CFAP45: variants seen among roughly 807,000 people sequenced by gnomAD.
CFAP45 encodes the protein cilia and flagella associated protein 45.
A neutral mutation model predicts 75.6 loss-of-function variants in CFAP45; 43 were observed. The ratio of observed to expected loss-of-function variants is 0.57; its 90% confidence interval spans 0.45 to 0.73. The LOEUF (loss-of-function observed/expected upper bound fraction) is 0.73. CFAP45 is among the 30% of genes least tolerant of loss of function. The probability of loss-of-function intolerance (pLI) is 0.00; values close to 1 mark genes in which losing one functional copy is unlikely to be tolerated. For synonymous variants in CFAP45, 223 were observed against 244.6 expected (o/e 0.91, Z 0.82); for missense variants, 689 against 701.5 (o/e 0.98, Z 0.20).
Position 159,890,589 on chromosome 1 carries a change from C to T in CFAP45, c.163G>A (p.Val55Met). The T allele has an allele frequency of 6.2e-7, 1 of 1,614,006 alleles. No homozygotes were observed. The stretch of plus-strand genomic sequence containing the variant: ...AGGGTATGCTTATCTCGGAGCAGCA[C>T]AATGGGGCTGTCGCTCTGGCCCTGG... ...PAQGQSDSPI[V>M]LLRDKHTLQK... Residue 55 changes from valine to methionine, a missense_variant, in exon 3 of 12, where the codon GTG (valine) becomes ATG (methionine). By Grantham distance (21) the Val-to-Met change is conservative. Coordinates refer to ENST00000368099, the MANE Select transcript of CFAP45 (RefSeq NM_012337.3).
chr1:159,879,681 T>A (rs1029402231), intron 8 of CFAP45, among the ~76,000 whole-genome samples: 1 of 152,212 alleles, frequency 6.6e-6, no homozygotes, highest in Admixed American at 6.5e-5. Context: ...AGCTTCATTT[T>A]CTGTGGTTTG....
intron 10 of CFAP45, chr1:159,873,402 C>G (rs556162075): frequency 1.7e-6 from 1 of 576,710 alleles, no homozygotes; most frequent in Non-Finnish European, 3.1e-6. Flanking sequence ...GACTGTATGT[C>G]ATGGGCATGC....
Position 159,872,433 on chromosome 1 carries a change from A to C in CFAP45, c.*52T>G, listed in dbSNP as rs1649300648. The C allele has an allele frequency of 7.5e-7, 1 of 1,327,108 alleles. No individual in the cohort carries two copies. The highest frequency in any genetic ancestry group is 1.4e-5 in the African/African-American group (1 of 69,326). The allele number at this position is 1,327,108 out of a possible 1,614,324, so 82.2% of individuals were successfully genotyped here. Reference sequence around the variant, plus strand: ...TAGCAGCAATTATGGATGCCCAGAGACTGGGCAGAATCTGTCCCCCGAAGG... The same window carrying C: ...TAGCAGCAATTATGGATGCCCAGAGCCTGGGCAGAATCTGTCCCCCGAAGG... On this transcript the variant is annotated 3_prime_UTR_variant, in exon 12 of 12. Transcript: ENST00000368099.
intron 10 of CFAP45, among the ~76,000 whole-genome samples, chr1:159,875,261 G>A (rs1265212211): frequency 6.6e-6 from 1 of 152,220 alleles, no homozygotes; most frequent in East Asian, 1.9e-4. Context: ...AGATGTCCAA[G>A]GGCATAGAGG....
intron 10 of CFAP45, 161 bp from the exon 11 acceptor site, chr1:159,873,329 A>G: frequency 3.2e-6 from 2 of 630,102 alleles, no homozygotes; most frequent in Non-Finnish European, 5.5e-6. Context: ...ATCAGCCCCC[A>G]AAAGCTGCTG....
intron 7 of CFAP45, among the ~76,000 whole-genome samples, chr1:159,882,117 T>C (rs368667263): frequency 6.6e-6 from 1 of 152,200 alleles, no homozygotes; most frequent in African/African-American, 2.4e-5. Context: ...GTATGGCAAC[T>C]CTCTGCCTCT....
In CFAP45 at chr1:159,884,557, C is replaced by T. The variant is rs370229782; in HGVS notation, c.776G>A (p.Arg259Gln). 4.1e-5 allele frequency: 66 copies of T among 1,613,330 alleles called. No individual in the cohort carries two copies. The highest frequency in any genetic ancestry group is 4.8e-5 in the Non-Finnish European group (57 of 1,179,846). The change falls in exon 7 of 12, where the codon CGG becomes CAG. Residue 259 changes from arginine (R) to glutamine (Q), a missense_variant. Transcript: ENST00000368099. ...KRREERIRGR[R>Q]QIVEQMEKNQ... ...CTTTTCCATCTGTTCCACAATTTGC[C>T]GCCTTCCTCTTGGAGAGAACAGTGC...
At chr1:159,872,677 T>G (rs935039273) in intron 11 of CFAP45, 114 bp from the exon 12 acceptor site, 1 of 941,182 alleles carries the variant, frequency 1.1e-6, no homozygotes, top group Non-Finnish European at 1.7e-6. Flanking sequence ...CCCCCAACCC[T>G]GCTCTCACAA....
rs539116292 is a variant in CFAP45 at position 159,878,753 on chromosome 1, T to TAAAAAAAAAAAAAAAAAAAAAAAAAAAA, written c.1045-1319_1045-1292dup. The stretch of plus-strand genomic sequence containing the variant: ...CCTAGTGACAGAGCAAGACTACATC[T>TAAAAAAAAAAAAAAAAAAAAAAAAAAAA]AAAAAAAAAAAAAAAAAAAAAAAAA... On this transcript the variant is annotated intron_variant, in intron 8 of 11. Coordinates refer to ENST00000368099, the MANE Select transcript of CFAP45 (RefSeq NM_012337.3). 1.5e-4 allele frequency among the ~76,000 whole-genome samples: 5 copies of TAAAAAAAAAAAAAAAAAAAAAAAAAAAA among 32,486 alleles called. 1 individual carries two copies. Among genetic ancestry groups the TAAAAAAAAAAAAAAAAAAAAAAAAAAAA allele is most frequent in the Admixed American group, 9.8e-4 (2 of 2,032 alleles). 21.3% of individuals were successfully genotyped at this position (32,486 alleles called of 152,430 possible).
intron 9 of CFAP45, 69 bp downstream of exon 9, chr1:159,877,280 C>G (rs576578385): frequency 6.5e-6 from 7 of 1,082,194 alleles, no homozygotes; most frequent in Non-Finnish European, 2.9e-6. Flanking sequence ...GGCCATTCTA[C>G]AGGCTGTCAA....
intron 2 of CFAP45, among the ~76,000 whole-genome samples, chr1:159,892,350 A>G (rs1649849145): frequency 6.6e-6 from 1 of 152,172 alleles, no homozygotes; most frequent in South Asian, 2.1e-4. Context: ...CCAACAGGAA[A>G]ACTGCTGCAG....
At chr1:159,899,594 A>G (rs1557918274) in intron 1 of CFAP45, among the ~76,000 whole-genome samples, 1 of 150,978 alleles carries the variant, frequency 6.6e-6, no homozygotes, top group Non-Finnish European at 1.5e-5. Flanking sequence ...CAGCCTCCCG[A>G]GTAGCTGGGA....
At chr1:159,888,054 G>T (rs376594060) in intron 4 of CFAP45, 43 bp from the exon 5 acceptor site, 3 of 1,592,614 alleles carry the variant, frequency 1.9e-6, no homozygotes, top group Non-Finnish European at 2.6e-6. Flanking sequence ...TATTTCATGC[G>T]CTCTGTGCCC....
chr1:159,886,640 T>C lies in CFAP45; in HGVS notation c.638A>G (p.Glu213Gly), dbSNP rs752493657. 1.2e-6 allele frequency: 2 copies of C among 1,614,162 alleles called. No homozygotes were observed. The highest frequency in any genetic ancestry group is 2.2e-5 in the South Asian group (2 of 91,080). The change falls in exon 6 of 12, where the codon GAG becomes GGG. Residue 213 changes from glutamate to glycine, a missense_variant. Physicochemically the swap from Glu to Gly is moderately conservative, Grantham distance 98. Coordinates refer to ENST00000368099, the MANE Select transcript of CFAP45 (RefSeq NM_012337.3). ...CHAIRDAQIL[E>G]KQQIQKELDT... is the part of the protein sequence containing the mutation. ...CAGTTCTTTTTGGATCTGCTGCTTC[T>C]CCAGGATTTGGGCATCCCGGATGGC...
rs1649423056 is a variant in CFAP45 at position 159,877,176 on chromosome 1, GCTGACA to G, written c.1158+167_1158+172del. On this transcript the variant is annotated intron_variant, in intron 9 of 11. Coordinates refer to ENST00000368099, the MANE Select transcript of CFAP45 (RefSeq NM_012337.3). Reference sequence around the variant, plus strand: ...GCACAGGCTGCACTGCCCAATCCCTGCTGACACAGGCCCTGGGAGCAGGCCACCCCT... The same window carrying G: ...GCACAGGCTGCACTGCCCAATCCCTGCAGGCCCTGGGAGCAGGCCACCCCT... 7.2e-5 allele frequency among the ~76,000 whole-genome samples: 11 copies of G among 152,194 alleles called. No homozygotes were observed. In the South Asian group the frequency reaches 2.3e-3, roughly 32 times the overall value.
chr1:159,886,307 T>C (rs1649676276), intron 6 of CFAP45, among the ~76,000 whole-genome samples: 1 of 151,090 alleles, frequency 6.6e-6, no homozygotes, highest in South Asian at 2.1e-4. Context: ...GCCACTGCAC[T>C]CCAGAGCCTG....
At chr1:159,872,867 C>G (rs1252603340) in intron 11 of CFAP45, 77 bp downstream of exon 11, 1 of 1,422,532 alleles carries the variant, frequency 7.0e-7, no homozygotes, top group Non-Finnish European at 9.8e-7. Flanking sequence ...CCCCCAAATC[C>G]CCATGCTTTC....
rs1362686942 is a variant in CFAP45, at chr1:159,887,034, C to T, written c.589-345G>A. On this transcript the variant is annotated intron_variant, in intron 5 of 11. Coordinates refer to ENST00000368099, the MANE Select transcript of CFAP45 (RefSeq NM_012337.3). The stretch of plus-strand genomic sequence containing the variant: ...CATAAAACTCACTTATACATGTACA[C>T]ACAAAATTTCTATAAAACTTCAGAG... Among the ~76,000 whole-genome samples, 7 of 152,150 alleles carry T rather than the reference C, an allele frequency of 4.6e-5. No individual in the cohort carries two copies. In the East Asian group the frequency reaches 9.6e-4, roughly 21 times the overall value.
rs76645892 is a variant in CFAP45 at position 159,891,728 on chromosome 1, C to T, written c.130-1106G>A. ...CTGTGTGCTGCTGCCACCTGGTGCC[C>T]ATCTCTGCTTTCACGTGGGCACAAC... On this transcript the variant is annotated intron_variant, in intron 2 of 11. Transcript: ENST00000368099. Among the ~76,000 whole-genome samples the T allele has an allele frequency of 2.0e-5, 3 of 152,286 alleles. No individual in the cohort carries two copies. The East Asian group carries it at 5.8e-4, about 29-fold the overall frequency.
Sources: allele counts gnomAD v4.1 joint callset (sites outside exome capture counted in the v4.1 genomes callset), GRCh38; gene constraint gnomAD v4.1.1; transcripts MANE v1.5; gene names NCBI Gene and HGNC (gene_info 2026-07-23, HGNC 2026-07-21).